The following SH3BP5 variants were observed in gnomAD, a reference collection of about 807,000 sequenced individuals.
SH3BP5 encodes the protein SH3 domain-binding protein 5.
Under a neutral mutation model 43.3 loss-of-function variants are expected in SH3BP5, and 22 were observed. That is an observed-to-expected ratio of 0.51 (90% CI 0.36 to 0.73). SH3BP5 has a LOEUF of 0.73. Ranked by LOEUF, SH3BP5 falls within the 30% of genes least tolerant of loss-of-function variation. The pLI, the probability that SH3BP5 is intolerant of heterozygous loss-of-function variation, is 0.00. For synonymous variants in SH3BP5, 255 were observed against 225.8 expected (o/e 1.13, Z -1.16); for missense variants, 529 against 586.9 (o/e 0.90, Z 1.02).
At chr3:15,284,109 T>C (rs1697201614) in intron 3 of SH3BP5, among the ~76,000 whole-genome samples, 1 of 152,162 alleles carries the variant, frequency 6.6e-6, no homozygotes, top group Admixed American at 6.5e-5. Context: ...ATCTATTAAG[T>C]TTGACGTTTC....
intron 3 of SH3BP5, among the ~76,000 whole-genome samples, chr3:15,297,148 C>T (rs929094659): frequency 6.6e-6 from 1 of 152,220 alleles, no homozygotes; most frequent in Non-Finnish European, 1.5e-5. Flanking sequence ...GATTCTCCAT[C>T]CATTCAAGGC....
At chr3:15,329,614 A>G (rs970984090) in intron 2 of SH3BP5, among the ~76,000 whole-genome samples, 13 of 152,100 alleles carry the variant, frequency 8.5e-5, no homozygotes, top group African/African-American at 2.9e-4. Flanking sequence ...TTATATTCCT[A>G]TCTCCCACAC....
intron 3 of SH3BP5, among the ~76,000 whole-genome samples, chr3:15,294,508 G>A (rs952020525): frequency 6.6e-6 from 1 of 151,964 alleles, no homozygotes; most frequent in African/African-American, 2.4e-5. Context: ...CCTGCATTCT[G>A]GATAGATAAT....
At chr3:15,288,267 C>T (rs943443177) in intron 3 of SH3BP5, among the ~76,000 whole-genome samples, 1 of 152,154 alleles carries the variant, frequency 6.6e-6, no homozygotes, top group African/African-American at 2.4e-5. Flanking sequence ...CCAAAAACAC[C>T]CTCGCAGTAA....
Position 15,256,174 on chromosome 3 carries a change from A to C in SH3BP5, c.1280T>G (p.Leu427Trp), listed in dbSNP as rs199815140. The part of the protein sequence containing the change: ...QSSTSPEGQA[L>W]ENRMKQLSLQ... ...GGAGAGCTGCTTCATCCGGTTCTCC[A>C]AGGCCTGGCCCTCAGGGGAGGTGCT... is the stretch of plus-strand genomic sequence containing the variant. The change falls in exon 9 of 9, where the codon TTG (leucine) becomes TGG (tryptophan). Residue 427 changes from leucine to tryptophan, a missense_variant. Physicochemically the swap from Leu to Trp is moderately conservative, Grantham distance 61. Coordinates refer to ENST00000383791, the MANE Select transcript of SH3BP5 (RefSeq NM_004844.5). 51 of 1,614,070 alleles carry C rather than the reference A, an allele frequency of 3.2e-5. No individual in the cohort carries two copies. The highest frequency in any genetic ancestry group is 1.7e-5 in the Admixed American group (1 of 60,000).
intron 3 of SH3BP5, among the ~76,000 whole-genome samples, chr3:15,293,189 A>G (rs1051904486): frequency 2.6e-5 from 4 of 152,352 alleles, no homozygotes; most frequent in African/African-American, 9.6e-5. Flanking sequence ...CTGCTTTGAG[A>G]CAGATGCCCT....
In SH3BP5 at chr3:15,288,576, G is replaced by A. The variant is rs112505482; in HGVS notation, c.330+15527C>T. On this transcript the variant is annotated intron_variant, in intron 3 of 8. Transcript: ENST00000383791. Reference sequence around the variant, plus strand: ...AGTTCAAGACCAGCCTGTGGAACATGGTGAAAACCCGTCTCTACTAAAAAT... The same window carrying A: ...AGTTCAAGACCAGCCTGTGGAACATAGTGAAAACCCGTCTCTACTAAAAAT... Among the ~76,000 whole-genome samples, 5 of 152,294 alleles carry A rather than the reference G, an allele frequency of 3.3e-5. 1 individual carries two copies. Among genetic ancestry groups the A allele is most frequent in the African/African-American group, 1.2e-4 (5 of 41,560 alleles).
chr3:15,312,876 T>TA (rs937291635), intron 2 of SH3BP5, among the ~76,000 whole-genome samples: 3 of 151,914 alleles, frequency 2.0e-5, no homozygotes, highest in South Asian at 4.1e-4. Context: ...TATTATTCTT[T>TA]AAAAAAAACA....
intron 2 of SH3BP5, among the ~76,000 whole-genome samples, chr3:15,308,000 TA>T (rs1210314255): frequency 7.3e-5 from 11 of 150,204 alleles, no homozygotes; most frequent in African/African-American, 1.7e-4. Flanking sequence ...AATTCACATT[TA>T]AAAAAAAAAT....
chr3:15,258,513 A>C, intron 7 of SH3BP5: 1 of 382,384 alleles, frequency 2.6e-6, no homozygotes. Flanking sequence ...GTAGCTTTGA[A>C]TCAAATCTGA....
At chr3:15,299,886 G>A (rs920349472) in intron 3 of SH3BP5, among the ~76,000 whole-genome samples, 6 of 152,008 alleles carry the variant, frequency 3.9e-5, no homozygotes, top group Non-Finnish European at 5.9e-5. Flanking sequence ...CCACCACTAT[G>A]CTATCTTCTT....
Position 15,262,299 on chromosome 3 carries a change from A to C in SH3BP5, c.496-10T>G. 6.2e-7 allele frequency: 1 copy of C among 1,613,974 alleles called. No individual in the cohort carries two copies. Among genetic ancestry groups the C allele is most frequent in the Non-Finnish European group, 8.5e-7 (1 of 1,179,938 alleles). On this transcript the variant is annotated splice_polypyrimidine_tract_variant and intron_variant, in intron 4 of 8. Transcript: ENST00000383791. ...GCTCCGCCTCCATGACCTTAAAATG[A>C]CAGCAGAGTTCAGCCCAGTCCAGCC...
intron 3 of SH3BP5, among the ~76,000 whole-genome samples, chr3:15,282,630 C>CTG (rs1697161519): frequency 6.6e-6 from 1 of 151,098 alleles, no homozygotes; most frequent in Non-Finnish European, 1.5e-5. Context: ...CACAATAAAA[C>CTG]TTTTTTTAAA....
Position 15,262,266 on chromosome 3 carries a change from C to T in SH3BP5, c.519G>A (p.Lys173=), listed in dbSNP as rs35173498. 1.9e-6 allele frequency: 3 copies of T among 1,614,202 alleles called. No homozygotes were observed. Among genetic ancestry groups the T allele is most frequent in the Non-Finnish European group, 2.5e-6 (3 of 1,180,038 alleles). The change falls in exon 5 of 9, where the codon AAG becomes AAA. Residue 173 remains lysine, a synonymous_variant. Transcript: ENST00000383791. ...CCTTATGCACCAGCTCGCTCCTGGT[C>T]TTGGTCTGCTCCGCCTCCATGACCT... ...TQRVMEAEQT[K]TRSELVHKET...
chr3:15,264,152 CTT>C (rs1434479500), intron 4 of SH3BP5: 1 of 152,148 alleles, frequency 6.6e-6, no homozygotes, highest in African/African-American at 2.4e-5. Flanking sequence ...TTATGAAAGA[CTT>C]TTATATGGGC....
intron 4 of SH3BP5, among the ~76,000 whole-genome samples, chr3:15,266,369 G>A (rs374241672): frequency 8.5e-5 from 13 of 152,310 alleles, no homozygotes; most frequent in Admixed American, 6.5e-4. Flanking sequence ...GCCCTGCGTC[G>A]TGTCCTCTCC....
intron 2 of SH3BP5, among the ~76,000 whole-genome samples, chr3:15,312,846 G>T (rs566037350): frequency 1.3e-5 from 2 of 152,094 alleles, no homozygotes; most frequent in African/African-American, 4.8e-5. Context: ...CCCTGACAAG[G>T]TGGGCACTTC....
intron 3 of SH3BP5, among the ~76,000 whole-genome samples, chr3:15,299,531 T>A (rs1240085246): frequency 7.0e-6 from 1 of 142,146 alleles, no homozygotes; most frequent in East Asian, 2.3e-4. Flanking sequence ...TCTTGCTCTG[T>A]CACCCAGGCT....
intron 3 of SH3BP5, among the ~76,000 whole-genome samples, chr3:15,275,487 T>C (rs1034755363): frequency 6.6e-6 from 1 of 152,190 alleles, no homozygotes; most frequent in Non-Finnish European, 1.5e-5. Flanking sequence ...ATTATTTGAA[T>C]AGGGCTCTAT....
Sources: allele counts gnomAD v4.1 joint callset (sites outside exome capture counted in the v4.1 genomes callset), GRCh38; gene constraint gnomAD v4.1.1; transcripts MANE v1.5; gene names NCBI Gene and HGNC (gene_info 2026-07-23, HGNC 2026-07-21).